POM121C: variants seen among roughly 807,000 people sequenced by gnomAD.
The protein encoded by POM121C is nuclear envelope pore membrane protein POM 121C.
POM121C carries 20 observed loss-of-function variants against 66.4 expected under a neutral mutation model. That is an observed-to-expected ratio of 0.30 (90% CI 0.21 to 0.44). POM121C has a LOEUF of 0.44. POM121C is among the 20% of genes least tolerant of loss of function. The probability of loss-of-function intolerance (pLI) is 1.00; values close to 1 mark genes in which losing one functional copy is unlikely to be tolerated. For missense variants in POM121C, 580 were observed against 1,225.7 expected, an observed-to-expected ratio of 0.47 and a Z score of 7.87; for synonymous variants, 286 against 528.0, an observed-to-expected ratio of 0.54 and a Z score of 6.28.
chr7:75,473,125 C>T (rs1207471526), intron 3 of POM121C, among the ~76,000 whole-genome samples: 1 of 152,176 alleles, frequency 6.6e-6, no homozygotes, highest in Non-Finnish European at 1.5e-5. Flanking sequence ...GGAATCTGCA[C>T]AGTTTATCAT....
At chr7:75,476,337 T>A (rs1365246595) in intron 1 of POM121C, among the ~76,000 whole-genome samples, 1 of 149,152 alleles carries the variant, frequency 6.7e-6, no homozygotes, top group Non-Finnish European at 1.5e-5. Context: ...GCTCCAGCAA[T>A]CCACCTGCCT....
intron 3 of POM121C, among the ~76,000 whole-genome samples, chr7:75,443,533 A>G (rs1451911686): frequency 6.0e-5 from 9 of 148,808 alleles, no homozygotes; most frequent in Non-Finnish European, 1.2e-4. Flanking sequence ...GTTTATATAC[A>G]TTAAAGAGAT....
chr7:75,471,774 G>A (rs1256536566), intron 3 of POM121C, among the ~76,000 whole-genome samples: 2 of 152,156 alleles, frequency 1.3e-5, no homozygotes, highest in Non-Finnish European at 2.9e-5. Context: ...GCGCTGTCAC[G>A]TGCTTGACAA....
At chr7:75,455,812 A>T (rs1432098342) in intron 3 of POM121C, among the ~76,000 whole-genome samples, 35 of 151,804 alleles carry the variant, frequency 2.3e-4, no homozygotes, top group Non-Finnish European at 3.7e-4. Context: ...CTGTGTGTCT[A>T]TTTCTCCCAC....
At chr7:75,474,442 G>A (rs782396111) in intron 3 of POM121C, among the ~76,000 whole-genome samples, 2 of 152,142 alleles carry the variant, frequency 1.3e-5, no homozygotes, top group Non-Finnish European at 2.9e-5. Flanking sequence ...CTCTAATGGC[G>A]AGGGAGTAAA....
In POM121C at chr7:75,421,528, C is replaced by T; in HGVS notation, c.2724G>A (p.Glu908=). 1 of 1,610,944 alleles carries T rather than the reference C, an allele frequency of 6.2e-7. No homozygotes were observed. The highest frequency in any genetic ancestry group is 1.1e-5 in the South Asian group (1 of 90,822). The change falls in exon 13 of 15, where the codon GAG becomes GAA. Residue 908 remains glutamate, a synonymous_variant. Transcript: ENST00000615331. Reference sequence around the variant, plus strand: ...CCTTACCTCCAAACACAGGTTTGCTCTCAGTTGTGCTGCCCACGTTGAAGG... The same window carrying T: ...CCTTACCTCCAAACACAGGTTTGCTTTCAGTTGTGCTGCCCACGTTGAAGG... ...PFAFNVGSTT[E]SKPVFGGTAT...
intron 3 of POM121C, chr7:75,442,812 G>A (rs1790713548): frequency 5.0e-5 from 61 of 1,220,974 alleles, no homozygotes; most frequent in Non-Finnish European, 6.3e-5. Flanking sequence ...ATGCGCGCGC[G>A]ACTCGGGGAG....
At chr7:75,459,617 A>AAAAG (rs1554476749) in intron 3 of POM121C, among the ~76,000 whole-genome samples, 5 of 147,510 alleles carry the variant, frequency 3.4e-5, no homozygotes, top group Admixed American at 7.4e-5. Flanking sequence ...AAAAAAAAAA[A>AAAAG]AAAGAAAGAA....
intron 3 of POM121C, among the ~76,000 whole-genome samples, chr7:75,471,838 A>G (rs1461386268): frequency 6.6e-6 from 1 of 152,208 alleles, no homozygotes; most frequent in East Asian, 1.9e-4. Context: ...ATGCAAATAC[A>G]GTTAACATTA....
intron 1 of POM121C, chr7:75,484,262 G>C (rs1437767658): frequency 4.4e-6 from 7 of 1,595,430 alleles, no homozygotes; most frequent in South Asian, 1.1e-5. Context: ...TAGACCTAGA[G>C]GGGCAGAAGC....
At chr7:75,468,326 T>TC (rs1791750862) in intron 3 of POM121C, among the ~76,000 whole-genome samples, 1 of 139,878 alleles carries the variant, frequency 7.1e-6, no homozygotes, top group South Asian at 2.4e-4. Context: ...TTTTTTTTTT[T>TC]TTTTTTTTTT....
intron 3 of POM121C, among the ~76,000 whole-genome samples, chr7:75,463,293 A>G (rs375393061): frequency 2.8e-4 from 43 of 152,146 alleles, no homozygotes; most frequent in Admixed American, 1.2e-3. Flanking sequence ...GCAGTGAGCC[A>G]AGATCGTGCC....
intron 3 of POM121C, among the ~76,000 whole-genome samples, chr7:75,463,455 T>C (rs587595882): frequency 8.4e-4 from 127 of 151,006 alleles, no homozygotes; most frequent in Middle Eastern, 6.8e-3. Flanking sequence ...TTTTCTTTTT[T>C]TTTTTTTTTT....
At position 75,423,913 on chromosome 7, in the gene POM121C, C is replaced by T. The variant is rs1252396200; in HGVS notation, c.1048+136G>A. ...GCTCCGGCGCTGTTAAACGTAGGCC[C>T]GCTCCGGTGTGCTGAGCCAGGGTGC... On this transcript the variant is annotated intron_variant, in intron 12 of 14. Coordinates refer to ENST00000615331, the MANE Select transcript of POM121C (RefSeq NM_001099415.3). 14 of 1,492,050 alleles carry T rather than the reference C, an allele frequency of 9.4e-6. No homozygotes were observed. In the Admixed American group the frequency reaches 1.6e-4, roughly 18 times the overall value. The allele number at this position is 1,492,050 out of a possible 1,614,324, so 92.4% of individuals were successfully genotyped here.
intron 5 of POM121C, among the ~76,000 whole-genome samples, chr7:75,440,082 T>C (rs1190024457): frequency 2.6e-5 from 4 of 151,558 alleles, no homozygotes; most frequent in African/African-American, 4.8e-5. Flanking sequence ...GGTTTCACCA[T>C]GTTGGCCAGG....
At chr7:75,456,529 G>T in intron 3 of POM121C, among the ~76,000 whole-genome samples, 1 of 152,182 alleles carries the variant, frequency 6.6e-6, no homozygotes, top group Non-Finnish European at 1.5e-5. Context: ...GACGAAATGA[G>T]GAAGAAGATC....
chr7:75,419,404 G>A lies in POM121C; in HGVS notation c.2782C>T (p.Pro928Ser), dbSNP rs1554470292. Residue 928 changes from proline to serine, a missense_variant, in exon 14 of 15, where the codon CCT (proline) becomes TCT (serine). Pro to Ser is a moderately conservative substitution (Grantham distance 74). Coordinates refer to ENST00000615331, the MANE Select transcript of POM121C (RefSeq NM_001099415.3). ...CTGCTGCCCGATGTGCCCACTCCAG[G>A]CGCAGGGGTGTTCTGACCAAAGGTG... is the stretch of plus-strand genomic sequence containing the variant. Reference protein sequence around the residue: ...TPTFGQNTPAPGVGTSGSSLS... With the variant: ...TPTFGQNTPASGVGTSGSSLS... The A allele has an allele frequency of 6.2e-7, 1 of 1,613,872 alleles. No individual in the cohort carries two copies.
At chr7:75,471,523 A>G (rs1371496202) in intron 3 of POM121C, among the ~76,000 whole-genome samples, 16 of 151,988 alleles carry the variant, frequency 1.1e-4, no homozygotes, top group African/African-American at 3.6e-4. Flanking sequence ...AAAAAACACA[A>G]AACGGGGGCA....
At chr7:75,437,251 C>A (rs1210732776) in intron 7 of POM121C, among the ~76,000 whole-genome samples, 1 of 152,188 alleles carries the variant, frequency 6.6e-6, no homozygotes, top group Non-Finnish European at 1.5e-5. Context: ...AGAGACAATC[C>A]TAATGTCCAA....
Sources: allele counts gnomAD v4.1 joint callset (sites outside exome capture counted in the v4.1 genomes callset), GRCh38; gene constraint gnomAD v4.1.1; transcripts MANE v1.5; gene names NCBI Gene and HGNC (gene_info 2026-07-23, HGNC 2026-07-21).